Variants in FRMPD4 observed in about 807,000 individuals in gnomAD.
FRMPD4 encodes FERM and PDZ domain containing 4.
Under a neutral mutation model 94.1 loss-of-function variants are expected in FRMPD4, and 22 were observed. The ratio of observed to expected loss-of-function variants is 0.23; its 90% CI spans 0.17 to 0.33. The LOEUF (loss-of-function observed/expected upper bound fraction) is 0.33, where lower values mean the gene tolerates loss of function less well. FRMPD4 is among the 10% of genes least tolerant of loss of function. The pLI is 1.00. For synonymous variants in FRMPD4, 631 were observed against 548.6 expected, an observed-to-expected ratio of 1.15 and a Z score of -2.10; for missense variants, 1,111 against 1,339.9, an observed-to-expected ratio of 0.83 and a Z score of 2.67.
chrX:12,151,316 A>G (rs1247482346), intron 1 of FRMPD4, among the ~76,000 whole-genome samples: 1 of 111,851 alleles, frequency 8.9e-6, no homozygotes, highest in African/African-American at 3.2e-5. Flanking sequence ...GTAAAGTGGT[A>G]GTTCAGAGGG....
Position 12,390,556 on chromosome X carries a change from AAAAT to A in FRMPD4, c.42-108122_42-108119del, listed in dbSNP as rs1169566876. Among the ~76,000 whole-genome samples the A allele has an allele frequency of 2.9e-3, 261 of 89,767 alleles. 1 individual carries two copies. The highest frequency in any genetic ancestry group is 4.5e-3 in the Non-Finnish European group (213 of 47,080). 78.0% of individuals were successfully genotyped at this position (89,767 alleles called of 115,157 possible). On this transcript the variant is annotated intron_variant, in intron 1 of 16. Coordinates refer to ENST00000675598, the MANE Select transcript of FRMPD4 (RefSeq NM_001368397.1). ...ATTTTCTCCATCACCCTTGAATGGC[AAAAT>A]AGTGGAATGAGACTGAGTTCTTAGT...
chrX:12,652,432 T>C (rs1057458966), intron 4 of FRMPD4, among the ~76,000 whole-genome samples: 3 of 112,008 alleles, frequency 2.7e-5, no homozygotes, highest in Admixed American at 9.5e-5. Flanking sequence ...ACTAATTATA[T>C]TCACAATATT....
intron 3 of FRMPD4, among the ~76,000 whole-genome samples, chrX:11,928,243 T>C (rs1203757815): frequency 2.7e-5 from 3 of 111,938 alleles, no homozygotes; most frequent in African/African-American, 9.7e-5. Flanking sequence ...AATAAAGACA[T>C]ACCCAAGACT....
intron 14 of FRMPD4, among the ~76,000 whole-genome samples, chrX:12,713,273 T>G (rs145009500): frequency 2.2e-3 from 242 of 111,647 alleles, no homozygotes; most frequent in Middle Eastern, 0.019. Flanking sequence ...AAAGCTACTA[T>G]TCTAAACATG....
intron 1 of FRMPD4, among the ~76,000 whole-genome samples, chrX:12,281,673 GC>G (rs2054528560): frequency 9.0e-6 from 1 of 111,549 alleles, no homozygotes; most frequent in Admixed American, 9.5e-5. Flanking sequence ...CTGTGCCTTG[GC>G]CTTAAAAAAT....
rs1376306909 is a variant in FRMPD4, at chrX:12,308,079, G to A, written c.41+169067G>A. On this transcript the variant is annotated intron_variant, in intron 1 of 16. Coordinates refer to ENST00000675598, the MANE Select transcript of FRMPD4 (RefSeq NM_001368397.1). ...TCACAACCTTGACAGAATTACCTCA[G>A]CTGTGAGGTCCTAGCATATTCCAGC... is the stretch of plus-strand genomic sequence containing the variant. Among the ~76,000 whole-genome samples, 5 of 111,869 alleles carry A rather than the reference G, an allele frequency of 4.5e-5. No individual in the cohort carries two copies. In the South Asian group the frequency reaches 1.9e-3, roughly 43 times the overall value.
chrX:12,039,204 T>A (rs1000224786), intron 3 of FRMPD4, among the ~76,000 whole-genome samples: 142 of 107,235 alleles, frequency 1.3e-3, no homozygotes, highest in African/African-American at 1.6e-3. Flanking sequence ...GCATTTAATT[T>A]ATTTATTTAT....
intron 3 of FRMPD4, among the ~76,000 whole-genome samples, chrX:12,116,665 C>T (rs1261402550): frequency 8.9e-6 from 1 of 111,789 alleles, no homozygotes; most frequent in African/African-American, 3.3e-5. Context: ...GTAATTTTCT[C>T]ATGGGACTCA....
At chrX:12,056,378 G>C (rs968409726) in intron 3 of FRMPD4, among the ~76,000 whole-genome samples, 7 of 111,981 alleles carry the variant, frequency 6.3e-5, no homozygotes, top group African/African-American at 2.3e-4. Flanking sequence ...CTGAAACGGG[G>C]GTCTTAGGAC....
intron 1 of FRMPD4, among the ~76,000 whole-genome samples, chrX:12,463,699 T>TG: frequency 1.1e-5 from 1 of 93,574 alleles, no homozygotes; most frequent in African/African-American, 3.9e-5. Flanking sequence ...TTTGTTTTTG[T>TG]TTTTTTTTTT....
chrX:11,900,103 C>T (rs2053926270), intron 3 of FRMPD4, among the ~76,000 whole-genome samples: 2 of 111,556 alleles, frequency 1.8e-5, no homozygotes, highest in Admixed American at 9.5e-5. Context: ...GATTTCATTT[C>T]TTATTTAACA....
chrX:11,909,254 C>T (rs965837621), intron 3 of FRMPD4, among the ~76,000 whole-genome samples: 3 of 111,770 alleles, frequency 2.7e-5, no homozygotes, highest in African/African-American at 9.7e-5. Context: ...TTCAGGTAAT[C>T]CATTTCTTCT....
Position 12,722,743 on chromosome X carries a change from A to G in FRMPD4, c.*885A>G, listed in dbSNP as rs1434259115. ...ATTATCTTCCCCTCATCCCAACTCA[A>G]CTACGAAACTTAAAATTCCCTTTAG... On this transcript the variant is annotated 3_prime_UTR_variant, in exon 17 of 17. Transcript: ENST00000675598. The G allele has an allele frequency of 1.8e-5, 2 of 112,572 alleles. No homozygotes were observed. The highest frequency in any genetic ancestry group is 3.7e-5 in the Non-Finnish European group (2 of 53,354). 9.3% of individuals were successfully genotyped at this position (112,572 alleles called of 1,213,427 possible). A position where few individuals can be genotyped will look rare whatever the true frequency, so the allele number is the denominator to read the frequency against.
At chrX:12,206,109 CTG>C (rs1328000148) in intron 1 of FRMPD4, among the ~76,000 whole-genome samples, 2 of 112,238 alleles carry the variant, frequency 1.8e-5, no homozygotes. Flanking sequence ...GTCTTTATCA[CTG>C]TGTGATCTTT....
intron 1 of FRMPD4, among the ~76,000 whole-genome samples, chrX:12,413,623 G>A (rs1387685447): frequency 2.7e-5 from 3 of 112,025 alleles, no homozygotes; most frequent in Non-Finnish European, 5.6e-5. Context: ...CACTCTGATG[G>A]AGAACAGCTG....
At chrX:12,369,710 C>T (rs2056135824) in intron 1 of FRMPD4, among the ~76,000 whole-genome samples, 1 of 111,590 alleles carries the variant, frequency 9.0e-6, no homozygotes, top group African/African-American at 3.3e-5. Flanking sequence ...TCAGTGGAAA[C>T]TGCTGTTATA....
At chrX:11,942,072 G>T (rs2054162820) in intron 3 of FRMPD4, among the ~76,000 whole-genome samples, 1 of 112,219 alleles carries the variant, frequency 8.9e-6, no homozygotes, top group Non-Finnish European at 1.9e-5. Context: ...CAAGGTCAAA[G>T]CCTATACTGT....
intron 4 of FRMPD4, among the ~76,000 whole-genome samples, chrX:12,671,781 C>G (rs750881788): frequency 1.8e-5 from 2 of 110,860 alleles, no homozygotes; most frequent in African/African-American, 6.6e-5. Context: ...AAGTAGAGCA[C>G]GCAGGTCTTG....
chrX:12,054,978 A>T (rs2054846246), intron 3 of FRMPD4: 1 of 111,923 alleles, frequency 8.9e-6, no homozygotes, highest in Non-Finnish European at 1.9e-5. Context: ...GTGACAAGTC[A>T]GTTTATTAAT....
Sources: gnomAD v4.1 joint callset for allele counts (sites outside exome capture counted in the v4.1 genomes callset) on GRCh38, gnomAD v4.1.1 for gene constraint, MANE v1.5 for transcripts, NCBI Gene and HGNC (gene_info 2026-07-23, HGNC 2026-07-21) for gene names.